CDH18: variants seen among roughly 807,000 people sequenced by gnomAD.
CDH18 encodes cadherin-18.
A neutral mutation model predicts 67.9 loss-of-function variants in CDH18; 31 were observed. The ratio of observed to expected loss-of-function variants is 0.46; its 90% confidence interval spans 0.34 to 0.62. The LOEUF is 0.62. Among genes scored for constraint, CDH18 ranks in the 20% least tolerant of loss-of-function variants. The probability of loss-of-function intolerance (pLI) is 0.01; values close to 1 mark genes in which losing one functional copy is unlikely to be tolerated. For missense variants in CDH18, 890 were observed against 975.5 expected, an observed-to-expected ratio of 0.91 and a Z score of 1.17; for synonymous variants, 362 against 347.2, an observed-to-expected ratio of 1.04 and a Z score of -0.48.
At chr5:19,760,135 G>C (rs186802788) in intron 3 of CDH18, among the ~76,000 whole-genome samples, 17 of 152,268 alleles carry the variant, frequency 1.1e-4, no homozygotes, top group African/African-American at 4.1e-4. Flanking sequence ...TTTGACAGAT[G>C]AATGCTGCCA....
At chr5:19,678,598 CAG>C (rs1759830621) in intron 5 of CDH18, among the ~76,000 whole-genome samples, 1 of 151,608 alleles carries the variant, frequency 6.6e-6, no homozygotes, top group Non-Finnish European at 1.5e-5. Context: ...AAACCAATCA[CAG>C]AGCTGGCAGA....
intron 5 of CDH18, among the ~76,000 whole-genome samples, chr5:19,622,166 T>C (rs184436678): frequency 8.3e-4 from 126 of 152,272 alleles, no homozygotes; most frequent in Non-Finnish European, 1.6e-3. Context: ...CTGGCCAGGT[T>C]AGATTCTAAC....
chr5:20,308,557 T>C (rs11747123), intron 1 of CDH18, among the ~76,000 whole-genome samples: 64,574 of 150,696 alleles, frequency 0.43, 15,917 homozygotes, highest in Middle Eastern at 0.62. Context: ...AAAAAAAAAT[T>C]CTGTGTGAAA....
In CDH18 at chr5:20,018,908, C is replaced by T. The variant is rs1738140978; in HGVS notation, c.-517-26894G>A. Among the ~76,000 whole-genome samples the T allele has an allele frequency of 1.4e-5, 2 of 144,786 alleles. 1 individual carries two copies. Among genetic ancestry groups the T allele is most frequent in the South Asian group, 4.5e-4 (2 of 4,412 alleles). The allele number at this position is 144,786 out of a possible 152,430, so 95.0% of individuals were successfully genotyped here. ...CTCCCGGGTTCACGCCATTCTCCTG[C>T]CTCAGCCTCCCGTGTAGCTGGGACT... On this transcript the variant is annotated intron_variant, in intron 2 of 14. Transcript: ENST00000507958.
At chr5:20,361,587 A>G (rs905341240) in intron 1 of CDH18, among the ~76,000 whole-genome samples, 1 of 152,082 alleles carries the variant, frequency 6.6e-6, no homozygotes. Flanking sequence ...TTCTTACACT[A>G]AAACAGATAA....
At chr5:19,785,678 AAATATATATATATATATATATATATAT>A (rs1442819368) in intron 3 of CDH18, among the ~76,000 whole-genome samples, 3 of 44,240 alleles carry the variant, frequency 6.8e-5, no homozygotes, top group African/African-American at 1.8e-4. Flanking sequence ...AAAAAAAAAA[AAATATATATATATATATATATATATAT>A]ATATATATAT....
intron 5 of CDH18, among the ~76,000 whole-genome samples, chr5:19,615,770 G>A (rs560734034): frequency 6.6e-6 from 1 of 152,190 alleles, no homozygotes; most frequent in East Asian, 1.9e-4. Context: ...CAAATGTTAT[G>A]CAATTGGAAT....
chr5:19,945,004 G>A (rs187872585), intron 2 of CDH18, among the ~76,000 whole-genome samples: 31 of 152,216 alleles, frequency 2.0e-4, no homozygotes, highest in African/African-American at 6.3e-4. Context: ...GACAAAGAAC[G>A]GAGTAGCCCA....
chr5:20,453,162 G>A (rs1183316883), intron 1 of CDH18, among the ~76,000 whole-genome samples: 4 of 152,134 alleles, frequency 2.6e-5, no homozygotes, highest in Non-Finnish European at 5.9e-5. Flanking sequence ...CCATTCATGT[G>A]GAAGGCTGAT....
intron 6 of CDH18, among the ~76,000 whole-genome samples, chr5:19,592,519 CA>C (rs1018922124): frequency 1.3e-5 from 2 of 151,878 alleles, no homozygotes; most frequent in African/African-American, 4.8e-5. Flanking sequence ...AATAGTGATT[CA>C]ATGCTATACA....
intron 10 of CDH18, among the ~76,000 whole-genome samples, chr5:19,508,146 A>G (rs1319051007): frequency 6.6e-6 from 1 of 151,658 alleles, no homozygotes; most frequent in Non-Finnish European, 1.5e-5. Context: ...CTGTATTGGC[A>G]TATTCAATAT....
chr5:20,033,722 A>T (rs1739601004), intron 2 of CDH18, among the ~76,000 whole-genome samples: 1 of 152,036 alleles, frequency 6.6e-6, no homozygotes, highest in African/African-American at 2.4e-5. Context: ...AACAATATGC[A>T]TAAGCACTTT....
At chr5:19,831,763 C>G (rs1355413085) in intron 3 of CDH18, among the ~76,000 whole-genome samples, 1 of 151,878 alleles carries the variant, frequency 6.6e-6, no homozygotes, top group Non-Finnish European at 1.5e-5. Flanking sequence ...TATACCCCCT[C>G]CCCCAAAATA....
intron 3 of CDH18, among the ~76,000 whole-genome samples, chr5:19,780,025 G>A (rs1774912497): frequency 6.6e-6 from 1 of 152,060 alleles, no homozygotes. Context: ...TATGTAGGAA[G>A]GGCCTGTTAA....
At chr5:20,201,812 A>G (rs958857132) in intron 2 of CDH18, among the ~76,000 whole-genome samples, 3 of 152,182 alleles carry the variant, frequency 2.0e-5, no homozygotes, top group Non-Finnish European at 4.4e-5. Context: ...TAGAAGAGAA[A>G]AAGTGCAGAA....
chr5:19,503,719 A>G (rs1743639338), intron 10 of CDH18, among the ~76,000 whole-genome samples: 1 of 152,070 alleles, frequency 6.6e-6, no homozygotes, highest in Admixed American at 6.6e-5. Context: ...TGCTCAGGAG[A>G]AAGCAATTCT....
In CDH18 at chr5:20,004,705, A is replaced by G. The variant is rs187677656; in HGVS notation, c.-517-12691T>C. Among the ~76,000 whole-genome samples, 9 of 152,348 alleles carry G rather than the reference A, an allele frequency of 5.9e-5. No individual in the cohort carries two copies. The East Asian group carries it at 1.7e-3, about 29-fold the overall frequency. ...ATAAATAGTTCAATAGATGGGTTGGATTACAGAATGGCTGTACTACAGAAC... is the reference window on the plus strand; with the variant it reads ...ATAAATAGTTCAATAGATGGGTTGGGTTACAGAATGGCTGTACTACAGAAC... On this transcript the variant is annotated intron_variant, in intron 2 of 14. Transcript: ENST00000507958.
At chr5:19,518,113 A>G (rs1746323228) in intron 10 of CDH18, among the ~76,000 whole-genome samples, 1 of 151,998 alleles carries the variant, frequency 6.6e-6, no homozygotes, top group African/African-American at 2.4e-5. Context: ...TATTTATACT[A>G]TAAAAGTATT....
chr5:19,957,427 CTGTGTGTGTATATG>C (rs1796356242), intron 2 of CDH18, among the ~76,000 whole-genome samples: 1 of 151,236 alleles, frequency 6.6e-6, no homozygotes, highest in South Asian at 2.1e-4. Context: ...TTATGTATAT[CTGTGTGTGTATATG>C]TGTTAGGTAC....
Sources: allele counts gnomAD v4.1 joint callset (sites outside exome capture counted in the v4.1 genomes callset), GRCh38; gene constraint gnomAD v4.1.1; transcripts MANE v1.5; gene names NCBI Gene and HGNC (gene_info 2026-07-23, HGNC 2026-07-21).